MICAL3: variants seen among roughly 807,000 people sequenced by gnomAD.
The protein encoded by MICAL3 is microtubule associated monooxygenase, calponin and LIM domain containing 3, also known as [F-actin]-monooxygenase MICAL3.
MICAL3 carries 62 observed loss-of-function variants against 207.4 expected under a neutral mutation model. The observed-to-expected ratio is 0.30, with a 90% CI of 0.24 to 0.37. The LOEUF is 0.37. Among genes scored for constraint, MICAL3 ranks in the 10% least tolerant of loss-of-function variants. The pLI is 1.00. For synonymous variants in MICAL3, 1,077 were observed against 1,069.3 expected, an observed-to-expected ratio of 1.01 and a Z score of -0.14; for missense variants, 2,368 against 2,635.6, an observed-to-expected ratio of 0.90 and a Z score of 2.22.
chr22:17,866,736 A>G (rs1175825458), intron 17 of MICAL3, among the ~76,000 whole-genome samples: 1 of 152,226 alleles, frequency 6.6e-6, no homozygotes. Flanking sequence ...TATTTCTTGG[A>G]ACTTGCAGCT....
intron 7 of MICAL3, among the ~76,000 whole-genome samples, chr22:17,897,422 C>CAA (rs71754131): frequency 0.081 from 3,135 of 38,642 alleles, 194 homozygotes; most frequent in African/African-American, 0.19. Context: ...GACTCCAACT[C>CAA]AAAAAAAAAA....
intron 19 of MICAL3, among the ~76,000 whole-genome samples, chr22:17,843,767 C>T (rs1260407899): frequency 6.6e-6 from 1 of 152,236 alleles, no homozygotes; most frequent in Non-Finnish European, 1.5e-5. Flanking sequence ...AAGCTGCATC[C>T]ACAGGCTCTG....
At chr22:17,964,616 C>G (rs990416506) in intron 1 of MICAL3, among the ~76,000 whole-genome samples, 2 of 152,178 alleles carry the variant, frequency 1.3e-5, no homozygotes, top group Admixed American at 1.3e-4. Flanking sequence ...CTGTAACCCA[C>G]CTCCACACTA....
intron 1 of MICAL3, among the ~76,000 whole-genome samples, chr22:17,912,078 C>T (rs1932180851): frequency 6.6e-6 from 1 of 151,820 alleles, no homozygotes; most frequent in African/African-American, 2.4e-5. Context: ...TTGATCCTCC[C>T]AGGAGCTAGA....
Position 17,817,219 on chromosome 22 carries a change from CGT to C in MICAL3, c.5350+90_5350+91del, listed in dbSNP as rs1921090741. On this transcript the variant is annotated intron_variant, in intron 26 of 31. Transcript: ENST00000441493. Reference sequence around the variant, plus strand: ...GCTCCTGAGAACCCTCGGCGGGGAGCGTGTGAGTGTGGATCCTGAGAGCCCCA... The same window carrying C: ...GCTCCTGAGAACCCTCGGCGGGGAGCGTGAGTGTGGATCCTGAGAGCCCCA... 7 of 1,406,068 alleles carry C rather than the reference CGT, an allele frequency of 5.0e-6. 1 individual carries two copies. The highest frequency in any genetic ancestry group is 2.9e-5 in the South Asian group (2 of 69,668). The allele number at this position is 1,406,068 out of a possible 1,614,324, so 87.1% of individuals were successfully genotyped here.
In MICAL3 at chr22:17,900,694, G is replaced by T; in HGVS notation, c.847+148C>A. 1 of 637,394 alleles carries T rather than the reference G, an allele frequency of 1.6e-6. No homozygotes were observed. The allele number at this position is 637,394 out of a possible 1,614,324, so 39.5% of individuals were successfully genotyped here. ...AAGTTCTGCAGGAAGCAATGCGCTA[G>T]GAAGAAGGAACAGGAGTGAAAAGAG... On this transcript the variant is annotated intron_variant, in intron 6 of 31. Transcript: ENST00000441493. This position sits in a 1 kb window ranked among gnomAD's most constrained non-coding sequence, Gnocchi z 4.0.
At chr22:17,892,381 G>C (rs1930465576) in intron 11 of MICAL3, among the ~76,000 whole-genome samples, 1 of 152,138 alleles carries the variant, frequency 6.6e-6, no homozygotes, top group Admixed American at 6.5e-5. Context: ...CCATTCAAAA[G>C]AATCTATGAA....
intron 29 of MICAL3, among the ~76,000 whole-genome samples, chr22:17,801,666 G>A (rs2061941175): frequency 6.6e-6 from 1 of 151,668 alleles, no homozygotes; most frequent in Admixed American, 6.6e-5. Context: ...GGCTGAGGCG[G>A]GCGGATCACC....
intron 1 of MICAL3, among the ~76,000 whole-genome samples, chr22:17,948,476 A>C (rs995231449): frequency 5.3e-5 from 8 of 152,152 alleles, no homozygotes; most frequent in African/African-American, 1.9e-4. Context: ...CCCAGTCCTC[A>C]CATACCAGCT....
chr22:17,859,169 TG>T (rs1434307475), intron 19 of MICAL3, among the ~76,000 whole-genome samples: 3 of 152,162 alleles, frequency 2.0e-5, no homozygotes, highest in Non-Finnish European at 4.4e-5. Flanking sequence ...TGTGAGCTAC[TG>T]GGGGGTGAGG....
At position 17,790,753 on chromosome 22, in the gene MICAL3, G is replaced by A. The variant is rs2061816507; in HGVS notation, c.5988C>T (p.Gly1996=). 3.1e-6 allele frequency: 5 copies of A among 1,606,660 alleles called. No individual in the cohort carries two copies. The highest frequency in any genetic ancestry group is 4.2e-6 in the Non-Finnish European group (5 of 1,176,542). Residue 1996 remains glycine (G), a synonymous_variant, in exon 32 of 32, where the codon GGC becomes GGT. Transcript: ENST00000441493. ...KDLEAAMLSK[G]FSLNWS is the part of the protein sequence containing the mutation. ...GAGCTCAGGACCAGTTAAGGCTGAA[G>A]CCCTTGGACAGCATGGCAGCCTCCA...
chr22:17,953,281 T>C (rs561858987), intron 1 of MICAL3, among the ~76,000 whole-genome samples: 24 of 152,172 alleles, frequency 1.6e-4, no homozygotes, highest in African/African-American at 5.1e-4. Flanking sequence ...CTAAAATAAA[T>C]TGAACACAAG....
At chr22:17,956,267 C>G (rs1286808418) in intron 1 of MICAL3, among the ~76,000 whole-genome samples, 2 of 152,218 alleles carry the variant, frequency 1.3e-5, no homozygotes, top group African/African-American at 2.4e-5. Context: ...ATCACAACTT[C>G]CAAACAGACA....
At chr22:17,920,227 C>G (rs554379638) in intron 1 of MICAL3, among the ~76,000 whole-genome samples, 1 of 152,330 alleles carries the variant, frequency 6.6e-6, no homozygotes, top group South Asian at 2.1e-4. Context: ...TCTGCAAGTC[C>G]CCGCAGTGAG....
intron 16 of MICAL3, among the ~76,000 whole-genome samples, chr22:17,880,469 G>T (rs902867998): frequency 1.3e-5 from 2 of 152,262 alleles, no homozygotes; most frequent in Non-Finnish European, 2.9e-5. Context: ...CATGGACACA[G>T]GTGGGGCCTT....
chr22:17,879,465 G>C, intron 16 of MICAL3: 1 of 1,406,808 alleles, frequency 7.1e-7, no homozygotes, highest in South Asian at 1.3e-5. Flanking sequence ...CCTACTAAAC[G>C]ACAGTGGGAA....
chr22:17,834,493 A>G, intron 20 of MICAL3: 1 of 1,262,670 alleles, frequency 7.9e-7, no homozygotes, highest in Non-Finnish European at 1.0e-6. Context: ...AGGTGGGTGG[A>G]TCATTTGAGC....
intron 16 of MICAL3, among the ~76,000 whole-genome samples, chr22:17,882,057 G>A (rs185641799): frequency 1.2e-4 from 19 of 152,268 alleles, no homozygotes; most frequent in Admixed American, 1.2e-3. Context: ...GCAGGGAGCC[G>A]GGGAGCAGGG....
At chr22:17,968,613 C>G (rs962127845) in intron 1 of MICAL3, among the ~76,000 whole-genome samples, 1 of 151,978 alleles carries the variant, frequency 6.6e-6, no homozygotes, top group African/African-American at 2.4e-5. Context: ...GGAGAGTGTC[C>G]AACTGAGAGC....
Sources: gnomAD v4.1 joint callset for allele counts (sites outside exome capture counted in the v4.1 genomes callset) on GRCh38, gnomAD v4.1.1 for gene constraint, Gnocchi (gnomAD v3.1) non-coding constraint, MANE v1.5 for transcripts, NCBI Gene and HGNC (gene_info 2026-07-23, HGNC 2026-07-21) for gene names.